USP31: variants seen among roughly 807,000 people sequenced by gnomAD.
USP31 encodes the protein ubiquitin carboxyl-terminal hydrolase 31.
USP31 carries 44 observed loss-of-function variants against 119.4 expected under a neutral mutation model. The ratio of observed to expected loss-of-function variants is 0.37; its 90% CI spans 0.29 to 0.47. USP31 has a LOEUF of 0.47. Ranked by LOEUF, USP31 falls within the 20% of genes least tolerant of loss-of-function variation. The probability of loss-of-function intolerance (pLI) is 0.99; values close to 1 mark genes in which losing one functional copy is unlikely to be tolerated. For missense variants in USP31, 1,643 were observed against 1,730.2 expected (o/e 0.95, Z 0.89); for synonymous variants, 749 against 705.6 (o/e 1.06, Z -0.97).
intron 13 of USP31, among the ~76,000 whole-genome samples, chr16:23,074,609 T>C (rs192387164): frequency 3.3e-5 from 5 of 152,330 alleles, no homozygotes; most frequent in African/African-American, 1.2e-4. Flanking sequence ...GTCCTTGGCT[T>C]GCACTTGAAG....
In USP31 at chr16:23,087,737, G is replaced by A. The variant is rs557525145; in HGVS notation, c.1514C>T (p.Thr505Met). The change falls in exon 8 of 16, where the codon ACG (threonine) becomes ATG (methionine). Residue 505 changes from threonine (T) to methionine (M), a missense_variant. Around this residue, in one of 5 missense-constraint regions of USP31, gnomAD observed 219 missense variants for 226.4 expected, o/e 0.97. Transcript: ENST00000219689. ...ATGCTTACAAACCTGAATGCAAACC[G>A]TGGGCCTCAAGAAATACTTCATCTT... Reference protein sequence around the residue: ...LEKMKYFLRPTVCIQVCPFSL... With the variant: ...LEKMKYFLRPMVCIQVCPFSL... 31 of 1,613,950 alleles carry A rather than the reference G, an allele frequency of 1.9e-5. No homozygotes were observed. In the Admixed American group the frequency reaches 2.5e-4, roughly 13 times the overall value.
In USP31 at chr16:23,149,171, C is replaced by G. The variant is rs1021367203; in HGVS notation, c.100G>C (p.Gly34Arg). Residue 34 changes from glycine (G) to arginine (R), a missense_variant, in exon 1 of 16, where the codon GGC (glycine) becomes CGC (arginine). Physicochemically the swap from Gly to Arg is moderately radical, Grantham distance 125. This residue lies in a region of USP31 where 302 missense variants were observed against 262.6 expected (regional missense o/e 1.15). Transcript: ENST00000219689. ...SKRLFRSGRA[G>R]GGGAGGPGAS... Reference sequence around the variant, plus strand: ...CCGGGGCCCCCCGCGCCGCCGCCGCCAGCGCGGCCGCTCCGAAACAGCCGC... The same window carrying G: ...CCGGGGCCCCCCGCGCCGCCGCCGCGAGCGCGGCCGCTCCGAAACAGCCGC... The G allele has an allele frequency of 8.6e-7, 1 of 1,166,398 alleles. No individual in the cohort carries two copies. The highest frequency in any genetic ancestry group is 1.7e-5 in the African/African-American group (1 of 60,594). The allele number at this position is 1,166,398 out of a possible 1,614,324, so 72.3% of individuals were successfully genotyped here.
chr16:23,085,535 A>G, intron 10 of USP31, 50 bp downstream of exon 10: 1 of 1,504,288 alleles, frequency 6.6e-7, no homozygotes, highest in African/African-American at 1.4e-5. Flanking sequence ...TGCTATAAAA[A>G]TGATAATTAA....
chr16:23,064,785 T>C lies in USP31; in HGVS notation c.*3261A>G, dbSNP rs956819882. The C allele has an allele frequency of 1.3e-5, 2 of 152,184 alleles. No individual in the cohort carries two copies. Among genetic ancestry groups the C allele is most frequent in the Admixed American group, 6.5e-5 (1 of 15,278 alleles). 9.4% of individuals were successfully genotyped at this position (152,184 alleles called of 1,614,324 possible). A position where few individuals can be genotyped will look rare whatever the true frequency, so the allele number is the denominator to read the frequency against. On this transcript the variant is annotated 3_prime_UTR_variant, in exon 16 of 16. Coordinates refer to ENST00000219689, the MANE Select transcript of USP31 (RefSeq NM_020718.4). ...AGCAAATCCCTGAAGCTTTCAGTTTTGCCTCTGTGCTCAAAGAAGGCCCTC... is the reference window on the plus strand; with the variant it reads ...AGCAAATCCCTGAAGCTTTCAGTTTCGCCTCTGTGCTCAAAGAAGGCCCTC...
rs1161285764 is a variant in USP31 at position 23,068,581 on chromosome 16, T to G, written c.3524A>C (p.Lys1175Thr). ...CTGGCTCACCCGAGGGGAATTGGGT[T>G]TGGAGGTGGAGGTGGCGCTGGCTCT... is the stretch of plus-strand genomic sequence containing the variant. ...SDRASATSTS[K>T]PNSPRVSQAR... Residue 1175 changes from lysine (K) to threonine (T), a missense_variant, in exon 16 of 16, where the codon AAA (lysine) becomes ACA (threonine). Coordinates refer to ENST00000219689, the MANE Select transcript of USP31 (RefSeq NM_020718.4). 1.9e-6 allele frequency: 3 copies of G among 1,613,874 alleles called. No homozygotes were observed. Among genetic ancestry groups the G allele is most frequent in the Non-Finnish European group, 2.5e-6 (3 of 1,180,004 alleles).
At chr16:23,090,894 T>C in intron 6 of USP31, 90 bp from the exon 7 acceptor site, 1 of 1,252,300 alleles carries the variant, frequency 8.0e-7, no homozygotes, top group Non-Finnish European at 1.0e-6. Flanking sequence ...GAGAAAATTT[T>C]TTTTAAAAAT....
intron 1 of USP31, among the ~76,000 whole-genome samples, chr16:23,118,972 C>CA (rs951149012): frequency 6.6e-6 from 1 of 151,312 alleles, no homozygotes; most frequent in African/African-American, 2.4e-5. Context: ...GGCTCTGTCT[C>CA]AAAAAAATAA....
chr16:23,083,500 G>T (rs558982268), intron 11 of USP31, among the ~76,000 whole-genome samples: 1 of 150,454 alleles, frequency 6.6e-6, no homozygotes, highest in African/African-American at 2.5e-5. Context: ...TACCATTCTA[G>T]ATCAGTGAGA....
intron 1 of USP31, among the ~76,000 whole-genome samples, chr16:23,130,000 G>C (rs936966291): frequency 6.6e-6 from 1 of 152,068 alleles, no homozygotes. Flanking sequence ...CACCATATTA[G>C]GCACTTTACA....
At chr16:23,090,476 G>T (rs1418285771) in intron 7 of USP31, 148 bp downstream of exon 7, 4 of 790,620 alleles carry the variant, frequency 5.1e-6, no homozygotes, top group East Asian at 2.8e-5. Context: ...CCCCAAATCA[G>T]GTCAACTTGT....
intron 11 of USP31, 102 bp from the exon 12 acceptor site, chr16:23,082,659 T>C: frequency 6.7e-7 from 1 of 1,495,870 alleles, no homozygotes. Context: ...TCAAAATCTC[T>C]CTGTAAACCG....
chr16:23,074,747 G>A (rs1387521474), intron 13 of USP31, among the ~76,000 whole-genome samples: 1 of 152,190 alleles, frequency 6.6e-6, no homozygotes, highest in Non-Finnish European at 1.5e-5. Flanking sequence ...CTAAGCCTGA[G>A]CTAGAAATAA....
intron 14 of USP31, chr16:23,072,566 C>A: frequency 1.9e-6 from 1 of 529,152 alleles, no homozygotes; most frequent in Non-Finnish European, 3.3e-6. Context: ...CTGTTCTAAG[C>A]AATTGCAGTA....
At chr16:23,125,998 C>T (rs547305596) in intron 1 of USP31, among the ~76,000 whole-genome samples, 2 of 152,138 alleles carry the variant, frequency 1.3e-5, no homozygotes, top group South Asian at 2.1e-4. Flanking sequence ...ACAAGGGTCA[C>T]GACTAGTTAC....
At chr16:23,129,592 A>C (rs1902964452) in intron 1 of USP31, among the ~76,000 whole-genome samples, 1 of 152,206 alleles carries the variant, frequency 6.6e-6, no homozygotes, top group African/African-American at 2.4e-5. Flanking sequence ...GTAGTTGTTG[A>C]AGCTGGGTGA....
intron 12 of USP31, among the ~76,000 whole-genome samples, chr16:23,081,055 G>C (rs1900798932): frequency 6.6e-6 from 1 of 152,188 alleles, no homozygotes; most frequent in East Asian, 1.9e-4. Context: ...CAGCTGAAAA[G>C]CAACAAAATG....
intron 8 of USP31, 50 bp from the exon 9 acceptor site, chr16:23,087,236 T>A: frequency 6.5e-7 from 1 of 1,546,930 alleles, no homozygotes; most frequent in Non-Finnish European, 8.9e-7. Flanking sequence ...TTCAAGGGCA[T>A]CTGTTTCACA....
At chr16:23,133,481 G>A (rs1164303600) in intron 1 of USP31, among the ~76,000 whole-genome samples, 1 of 152,140 alleles carries the variant, frequency 6.6e-6, no homozygotes, top group Non-Finnish European at 1.5e-5. Flanking sequence ...TTAGGAAACC[G>A]AATCATTTTG....
At chr16:23,082,980 A>T (rs1267267111) in intron 11 of USP31, among the ~76,000 whole-genome samples, 3 of 151,758 alleles carry the variant, frequency 2.0e-5, no homozygotes, top group Non-Finnish European at 4.4e-5. Context: ...ACAGGCATGC[A>T]TCACCACACC....
Sources: allele counts gnomAD v4.1 joint callset (sites outside exome capture counted in the v4.1 genomes callset), GRCh38; gene constraint gnomAD v4.1.1; regional missense constraint gnomAD v4.1.1; transcripts MANE v1.5; gene names NCBI Gene and HGNC (gene_info 2026-07-23, HGNC 2026-07-21).